The following ROBO2 variants were observed in gnomAD, a reference collection of about 807,000 sequenced individuals.
ROBO2 encodes roundabout homolog 2.
ROBO2 carries 53 observed loss-of-function variants against 160.8 expected under a neutral mutation model. The ratio of observed to expected loss-of-function variants is 0.33; its 90% CI spans 0.26 to 0.41. The LOEUF (loss-of-function observed/expected upper bound fraction) is 0.41. Ranked by LOEUF, ROBO2 falls within the 10% of genes least tolerant of loss-of-function variation. The probability of loss-of-function intolerance (pLI) is 1.00; values close to 1 mark genes in which losing one functional copy is unlikely to be tolerated. For synonymous variants in ROBO2, 664 were observed against 611.7 expected, an observed-to-expected ratio of 1.09 and a Z score of -1.26; for missense variants, 1,577 against 1,722.4, an observed-to-expected ratio of 0.92 and a Z score of 1.49.
chr3:76,975,062 A>T (rs907601708), intron 2 of ROBO2, among the ~76,000 whole-genome samples: 1 of 152,220 alleles, frequency 6.6e-6, no homozygotes, highest in Non-Finnish European at 1.5e-5. Flanking sequence ...CTTATGTTAC[A>T]TGTAAATACG....
chr3:76,957,294 T>G (rs1335129644), intron 2 of ROBO2, among the ~76,000 whole-genome samples: 1 of 152,118 alleles, frequency 6.6e-6, no homozygotes, highest in Non-Finnish European at 1.5e-5. Flanking sequence ...TACATATTCT[T>G]TTTCTGTGAC....
Position 77,078,265 on chromosome 3 carries a change from C to T in ROBO2, c.62-19749C>T, listed in dbSNP as rs150999429. ...GTTTAAAAACATATTTGAAAACTTA[C>T]AATGTAAACAAAACACTCCTAGCTT... On this transcript the variant is annotated intron_variant, in intron 1 of 25. Coordinates refer to ENST00000461745, the Ensembl canonical transcript of ROBO2. Among the ~76,000 whole-genome samples the T allele has an allele frequency of 5.5e-3, 832 of 152,260 alleles. 11 individuals carry two copies. Among genetic ancestry groups the T allele is most frequent in the African/African-American group, 0.018 (765 of 41,554 alleles).
chr3:76,277,675 A>G (rs184961475), intron 2 of ROBO2, among the ~76,000 whole-genome samples: 1 of 152,084 alleles, frequency 6.6e-6, no homozygotes, highest in East Asian at 1.9e-4. Flanking sequence ...AGTCATTAAA[A>G]ATTAGCAGTG....
At chr3:77,183,925 G>A (rs768390148) in intron 2 of ROBO2, among the ~76,000 whole-genome samples, 8 of 152,126 alleles carry the variant, frequency 5.3e-5, no homozygotes, top group Non-Finnish European at 1.0e-4. Context: ...AGCACACAGC[G>A]TCAATTTTTC....
intron 2 of ROBO2, among the ~76,000 whole-genome samples, chr3:76,482,055 A>G (rs1247171613): frequency 6.6e-6 from 1 of 152,054 alleles, no homozygotes; most frequent in African/African-American, 2.4e-5. Context: ...ATGAAAAGAA[A>G]ACACCTGATG....
intron 2 of ROBO2, among the ~76,000 whole-genome samples, chr3:76,281,564 A>G (rs1399880344): frequency 6.6e-6 from 1 of 151,864 alleles, no homozygotes; most frequent in Non-Finnish European, 1.5e-5. Context: ...GGTACTTAGT[A>G]TGCTTAAGGT....
intron 2 of ROBO2, among the ~76,000 whole-genome samples, chr3:76,807,339 T>G (rs768115187): frequency 1.3e-5 from 2 of 152,192 alleles, no homozygotes; most frequent in Non-Finnish European, 2.9e-5. Context: ...CAGTTCCTAC[T>G]GTGTTCGCCC....
rs148498102 is a variant in ROBO2, at chr3:76,340,570, A to G, written c.109+402968A>G. 1.2e-4 allele frequency among the ~76,000 whole-genome samples: 18 copies of G among 152,292 alleles called. No individual in the cohort carries two copies. The East Asian group carries it at 3.5e-3, about 29-fold the overall frequency. ...TTTAAAGCTAATGGTGTATCTCAACATTTTATAAGCATTTAACTTTTGCAG... is the reference window on the plus strand; with the variant it reads ...TTTAAAGCTAATGGTGTATCTCAACGTTTTATAAGCATTTAACTTTTGCAG... On this transcript the variant is annotated intron_variant, in intron 2 of 26. Coordinates refer to the ROBO2 transcript ENST00000487694.
At chr3:76,536,327 G>C (rs998321477) in intron 2 of ROBO2, among the ~76,000 whole-genome samples, 2 of 152,182 alleles carry the variant, frequency 1.3e-5, no homozygotes, top group Non-Finnish European at 2.9e-5. Flanking sequence ...TTGAGGGCCA[G>C]ATTCCAATTT....
At chr3:76,075,431 T>A (rs993677831) in intron 2 of ROBO2, among the ~76,000 whole-genome samples, 1 of 151,142 alleles carries the variant, frequency 6.6e-6, no homozygotes, top group Non-Finnish European at 1.5e-5. Context: ...TGGAGTTAAA[T>A]GAGGGATATT....
intron 2 of ROBO2, among the ~76,000 whole-genome samples, chr3:77,260,460 A>G (rs2058703354): frequency 6.6e-6 from 1 of 152,132 alleles, no homozygotes. Flanking sequence ...TTCACCTGCA[A>G]CTTAGGATGG....
At chr3:76,504,519 CTTTTTTTTTT>C (rs57591523) in intron 2 of ROBO2, among the ~76,000 whole-genome samples, 44 of 73,548 alleles carry the variant, frequency 6.0e-4, no homozygotes, top group African/African-American at 1.7e-3. Flanking sequence ...AGAAAATACT[CTTTTTTTTTT>C]TTTTTTTTTT....
chr3:77,460,844 C>T (rs1372157713), intron 2 of ROBO2, among the ~76,000 whole-genome samples: 1 of 151,980 alleles, frequency 6.6e-6, no homozygotes, highest in Non-Finnish European at 1.5e-5. Flanking sequence ...AGCTAATTTC[C>T]CATATTTTTT....
chr3:76,457,062 T>C (rs561789369), intron 2 of ROBO2, among the ~76,000 whole-genome samples: 103 of 152,272 alleles, frequency 6.8e-4, no homozygotes, highest in Non-Finnish European at 1.2e-3. Flanking sequence ...TATCATTCTG[T>C]CCCTGGCCCA....
At chr3:76,109,605 G>C (rs1218441798) in intron 2 of ROBO2, among the ~76,000 whole-genome samples, 1 of 151,908 alleles carries the variant, frequency 6.6e-6, no homozygotes, top group Non-Finnish European at 1.5e-5. Flanking sequence ...TTTTCCACTG[G>C]CTCTTTACTC....
intron 2 of ROBO2, among the ~76,000 whole-genome samples, chr3:76,330,853 G>A (rs2073430704): frequency 6.6e-6 from 1 of 152,220 alleles, no homozygotes; most frequent in African/African-American, 2.4e-5. Context: ...AGTTGATGAG[G>A]AACATTTGTT....
chr3:77,608,896 A>T (rs1168086607), intron 21 of ROBO2, among the ~76,000 whole-genome samples: 1 of 151,730 alleles, frequency 6.6e-6, no homozygotes, highest in African/African-American at 2.4e-5. Flanking sequence ...TCTTGGCTTA[A>T]AAAATCACAT....
In ROBO2 at chr3:77,155,779, C is replaced by T. The variant is rs140382663; in HGVS notation, c.388+57439C>T. 9.9e-5 allele frequency among the ~76,000 whole-genome samples: 15 copies of T among 152,158 alleles called. 2 individuals carry two copies. In the East Asian group the frequency reaches 2.1e-3, roughly 22 times the overall value. ...TTAAACTCTGCACATTTTCAGTCTT[C>T]GTTTGACCCCTCAAAAGCACTTCAT... On this transcript the variant is annotated intron_variant, in intron 2 of 25. Transcript: ENST00000461745.
intron 2 of ROBO2, among the ~76,000 whole-genome samples, chr3:76,324,605 A>G (rs2072854926): frequency 6.6e-6 from 1 of 151,492 alleles, no homozygotes; most frequent in African/African-American, 2.4e-5. Flanking sequence ...GATTCAAAAC[A>G]TGTTTAAGAT....
Sources: gnomAD v4.1 joint callset for allele counts (sites outside exome capture counted in the v4.1 genomes callset) on GRCh38, gnomAD v4.1.1 for gene constraint, MANE v1.5 for transcripts, NCBI Gene and HGNC (gene_info 2026-07-23, HGNC 2026-07-21) for gene names.